Variants in MSR1 observed in about 807,000 individuals in gnomAD.
MSR1 encodes macrophage scavenger receptor 1, also known as macrophage scavenger receptor types I and II.
In MSR1, 53 loss-of-function variants were observed where a neutral mutation model predicts 47.2. The ratio of observed to expected loss-of-function variants is 1.12; its 90% CI spans 0.90 to 1.41. The LOEUF is 1.41. Ranked by LOEUF, MSR1 falls within the 40% of genes most tolerant of loss-of-function variation. The pLI, the probability that MSR1 is intolerant of heterozygous loss-of-function variation, is 0.00. For missense variants in MSR1, 786 were observed against 546.9 expected (o/e 1.44, Z -4.36); for synonymous variants, 239 against 185.6 (o/e 1.29, Z -2.34).
chr8:16,132,614 A>G (rs571851179), intron 8 of MSR1, among the ~76,000 whole-genome samples: 10 of 152,104 alleles, frequency 6.6e-5, no homozygotes, highest in African/African-American at 1.9e-4. Flanking sequence ...CAGCCCCCCA[A>G]GTAGCTGGGA....
chr8:16,144,190 T>A (rs1302792984), intron 7 of MSR1, among the ~76,000 whole-genome samples: 1 of 152,096 alleles, frequency 6.6e-6, no homozygotes, highest in African/African-American at 2.4e-5. Context: ...ATATTTCATA[T>A]GAGGGTCAGG....
chr8:16,186,760 T>A (rs1802011706), intron 1 of MSR1, among the ~76,000 whole-genome samples: 1 of 149,052 alleles, frequency 6.7e-6, no homozygotes, highest in Admixed American at 6.8e-5. Context: ...GCCTCCTGAG[T>A]AGCTGGGTCT....
chr8:16,180,720 A>G (rs1208140466), intron 1 of MSR1, among the ~76,000 whole-genome samples: 1 of 152,192 alleles, frequency 6.6e-6, no homozygotes, highest in Non-Finnish European at 1.5e-5. Flanking sequence ...GGGGAGAGGC[A>G]GTGACATGCA....
chr8:16,141,239 A>G, intron 8 of MSR1: 2 of 629,222 alleles, frequency 3.2e-6, no homozygotes, highest in Non-Finnish European at 5.5e-6. Context: ...ACAATAATTC[A>G]TCAAATGGTA....
rs772816603 is a variant in MSR1 at position 16,190,723 on chromosome 8, C to CTTTT, written c.-5+1874_-5+1875insAAAA. On this transcript the variant is annotated intron_variant, in intron 1 of 9. Transcript: ENST00000262101. ...TTATCATATTCTTTCTTTTTTCTTT[C>CTTTT]TTTCTTTTTGTTTTTGAGATGGAGT... Among the ~76,000 whole-genome samples the CTTTT allele has an allele frequency of 2.4e-3, 342 of 145,324 alleles. 9 individuals carry two copies. Among genetic ancestry groups the CTTTT allele is most frequent in the African/African-American group, 9.0e-3 (333 of 37,136 alleles).
chr8:16,137,715 G>A (rs1177207144), intron 8 of MSR1, among the ~76,000 whole-genome samples: 1 of 152,098 alleles, frequency 6.6e-6, no homozygotes, highest in Non-Finnish European at 1.5e-5. Context: ...CTGTTGGGTT[G>A]GGTGTAGTGG....
intron 8 of MSR1, among the ~76,000 whole-genome samples, chr8:16,123,694 G>A (rs1273963799): frequency 2.0e-5 from 3 of 148,506 alleles, no homozygotes; most frequent in African/African-American, 5.0e-5. Context: ...GTGCCTAAAC[G>A]ATTTCGTGTA....
chr8:16,125,362 G>C (rs1281011823), intron 8 of MSR1, among the ~76,000 whole-genome samples: 3 of 152,150 alleles, frequency 2.0e-5, no homozygotes, highest in African/African-American at 7.2e-5. Flanking sequence ...TTTACAAAGA[G>C]ACTTAGCAGT....
At chr8:16,167,332 C>T (rs963985929) in intron 4 of MSR1, among the ~76,000 whole-genome samples, 4 of 152,016 alleles carry the variant, frequency 2.6e-5, no homozygotes, top group Non-Finnish European at 5.9e-5. Context: ...TCACCTGAGG[C>T]CAGGAGTTCG....
chr8:16,139,890 A>C (rs905259829), intron 8 of MSR1: 1 of 435,318 alleles, frequency 2.3e-6, no homozygotes, highest in African/African-American at 2.3e-5. Flanking sequence ...AAATATTCTA[A>C]GGAATTAAAA....
chr8:16,146,237 C>T (rs1020648826), intron 7 of MSR1, among the ~76,000 whole-genome samples: 1 of 152,044 alleles, frequency 6.6e-6, no homozygotes, highest in African/African-American at 2.4e-5. Flanking sequence ...TTCCTGGTCC[C>T]TGAATTCCTC....
chr8:16,177,757 C>T (rs1330417443), intron 2 of MSR1, 129 bp downstream of exon 2: 5 of 720,294 alleles, frequency 6.9e-6, no homozygotes, highest in Non-Finnish European at 1.2e-5. Context: ...TCAAGAATAC[C>T]CCTGTTGGTC....
At chr8:16,147,152 A>T (rs1800722012) in intron 7 of MSR1, among the ~76,000 whole-genome samples, 1 of 152,158 alleles carries the variant, frequency 6.6e-6, no homozygotes, top group South Asian at 2.1e-4. Flanking sequence ...GCAAGGTTTC[A>T]CATCAATTAA....
chr8:16,141,341 T>C (rs1216489815), intron 8 of MSR1, among the ~76,000 whole-genome samples: 1 of 152,200 alleles, frequency 6.6e-6, no homozygotes, highest in Non-Finnish European at 1.5e-5. Flanking sequence ...GAGTGTTGAA[T>C]GTAGCATTGT....
Position 16,168,879 on chromosome 8 carries a change from T to A in MSR1, c.218-9A>T, listed in dbSNP as rs559211686. ...CCACTTCAGGAGTTGAGCTGTATATTTAAGTAAAAATAAACCAGTCATGGC... is the reference window on the plus strand; with the variant it reads ...CCACTTCAGGAGTTGAGCTGTATATATAAGTAAAAATAAACCAGTCATGGC... On this transcript the variant is annotated splice_polypyrimidine_tract_variant and intron_variant, in intron 3 of 9. Transcript: ENST00000262101. 9.9e-6 allele frequency: 16 copies of A among 1,610,892 alleles called. No individual in the cohort carries two copies. In the East Asian group the frequency reaches 3.1e-4, roughly 31 times the overall value.
chr8:16,182,840 A>G (rs977986318), intron 1 of MSR1, among the ~76,000 whole-genome samples: 3 of 152,156 alleles, frequency 2.0e-5, no homozygotes, highest in African/African-American at 7.2e-5. Context: ...ACACACCAAA[A>G]TAATGATTAA....
intron 9 of MSR1, among the ~76,000 whole-genome samples, chr8:16,111,146 C>T (rs1799747882): frequency 6.6e-6 from 1 of 151,948 alleles, no homozygotes; most frequent in Non-Finnish European, 1.5e-5. Flanking sequence ...ATCTGTGTTT[C>T]CTTATAAGTA....
At chr8:16,150,027 A>T (rs1800804204) in intron 7 of MSR1, among the ~76,000 whole-genome samples, 1 of 151,432 alleles carries the variant, frequency 6.6e-6, no homozygotes, top group Non-Finnish European at 1.5e-5. Flanking sequence ...TAGACCACAA[A>T]ATAACTGCAT....
At chr8:16,142,317 G>A (rs1800580500) in intron 8 of MSR1, among the ~76,000 whole-genome samples, 2 of 152,014 alleles carry the variant, frequency 1.3e-5, no homozygotes, top group African/African-American at 4.8e-5. Flanking sequence ...GCGACAGAGC[G>A]AGACTCCATC....
Sources: gnomAD v4.1 joint callset for allele counts (sites outside exome capture counted in the v4.1 genomes callset) on GRCh38, gnomAD v4.1.1 for gene constraint, MANE v1.5 for transcripts, NCBI Gene and HGNC (gene_info 2026-07-23, HGNC 2026-07-21) for gene names.